The following LAMP3 variants were observed in gnomAD, a reference collection of about 807,000 sequenced individuals.
The protein encoded by LAMP3 is lysosome-associated membrane glycoprotein 3.
LAMP3 carries 26 observed loss-of-function variants against 34.8 expected under a neutral mutation model. The ratio of observed to expected loss-of-function variants is 0.75; its 90% CI spans 0.55 to 1.04. LAMP3 has a LOEUF of 1.04. Among genes scored for constraint, LAMP3 ranks in the 50% least tolerant of loss-of-function variants. The pLI is 0.00. For missense variants in LAMP3, 495 were observed against 524.0 expected (o/e 0.94, Z 0.54); for synonymous variants, 180 against 201.9 (o/e 0.89, Z 0.92).
At chr3:183,138,546 C>A (rs527546343) in intron 4 of LAMP3, among the ~76,000 whole-genome samples, 1 of 152,250 alleles carries the variant, frequency 6.6e-6, no homozygotes, top group East Asian at 1.9e-4. Context: ...TTTAACTTTC[C>A]AGGGAAACAT....
In LAMP3 at chr3:183,145,401, G is replaced by A. The variant is rs556795856; in HGVS notation, c.889-4806C>T. The stretch of plus-strand genomic sequence containing the variant: ...CAGCCCAGCAAAATAAGCACTCGTT[G>A]GCTCCATCTTATAGAAGAGGAACTG... On this transcript the variant is annotated intron_variant, in intron 3 of 5. Transcript: ENST00000265598. Among the ~76,000 whole-genome samples the A allele has an allele frequency of 2.6e-5, 4 of 152,226 alleles. No homozygotes were observed. The South Asian group carries it at 8.3e-4, about 32-fold the overall frequency.
chr3:183,149,653 T>C (rs755654528), intron 3 of LAMP3, among the ~76,000 whole-genome samples: 1 of 145,820 alleles, frequency 6.9e-6, no homozygotes, highest in Admixed American at 7.0e-5. Context: ...ATCTGATACT[T>C]GATAGCACAA....
chr3:183,125,967 C>T (rs543771514), intron 5 of LAMP3, among the ~76,000 whole-genome samples: 26 of 152,114 alleles, frequency 1.7e-4, no homozygotes, highest in African/African-American at 4.8e-4. Context: ...CACACTTGGC[C>T]TATATTTCTT....
In LAMP3 at chr3:183,162,565, G is replaced by A. The variant is rs1382915584; in HGVS notation, c.49+42C>T. On this transcript the variant is annotated intron_variant, in intron 1 of 5. Transcript: ENST00000265598. ...GAGTGCGTTTAGATGAAAGGGGACC[G>A]ACACGTCAGGGCCACCGCGGGAAGC... 9.1e-6 allele frequency: 14 copies of A among 1,540,750 alleles called. No homozygotes were observed. In the Admixed American group the frequency reaches 2.7e-4, roughly 30 times the overall value.
intron 1 of LAMP3, among the ~76,000 whole-genome samples, chr3:183,157,048 G>A (rs983933247): frequency 2.0e-5 from 3 of 152,112 alleles, no homozygotes; most frequent in African/African-American, 7.2e-5. Context: ...TGCTGAAAAG[G>A]GGATTATTTT....
intron 5 of LAMP3, among the ~76,000 whole-genome samples, chr3:183,134,629 G>GACATATGAGACTCCGACATT (rs1327137896): frequency 1.3e-3 from 196 of 152,284 alleles, no homozygotes; most frequent in African/African-American, 4.6e-3. Context: ...TCATATGACT[G>GACATATGAGACTCCGACATT]TGGGACTCCG....
intron 3 of LAMP3, among the ~76,000 whole-genome samples, chr3:183,149,207 T>C (rs1457375579): frequency 2.0e-5 from 3 of 148,260 alleles, no homozygotes; most frequent in African/African-American, 7.5e-5. Flanking sequence ...GGGTAATGGG[T>C]GGGGTGGGGG....
In LAMP3 at chr3:183,132,444, A is replaced by G. The variant is rs539222705; in HGVS notation, c.1117+3273T>C. On this transcript the variant is annotated intron_variant, in intron 5 of 5. Transcript: ENST00000265598. The stretch of plus-strand genomic sequence containing the variant: ...TGAAAATCAGGACTCTTGAAAATGT[A>G]TAAGAAAAATCAGTCAATTTGTAAA... 19 of 981,590 alleles carry G rather than the reference A, an allele frequency of 1.9e-5. No homozygotes were observed. In the Admixed American group the frequency reaches 3.1e-4, roughly 16 times the overall value. The allele number at this position is 981,590 out of a possible 1,614,324, so 60.8% of individuals were successfully genotyped here.
chr3:183,148,556 A>G (rs1209710565), intron 3 of LAMP3, among the ~76,000 whole-genome samples: 5 of 152,256 alleles, frequency 3.3e-5, no homozygotes. Context: ...ACATTTCTCA[A>G]AAGAAGACAT....
intron 1 of LAMP3, among the ~76,000 whole-genome samples, chr3:183,155,332 T>G (rs1720793209): frequency 6.6e-6 from 1 of 152,232 alleles, no homozygotes; most frequent in Non-Finnish European, 1.5e-5. Flanking sequence ...CTTTCCATTT[T>G]TTATCTTGTC....
chr3:183,123,841 A>G lies in LAMP3; in HGVS notation c.*240T>C, dbSNP rs546285114. On this transcript the variant is annotated 3_prime_UTR_variant, in exon 6 of 6. Coordinates refer to ENST00000265598, the MANE Select transcript of LAMP3 (RefSeq NM_014398.4). ...AATGTTGACTTTGAGTGGCTAAAAT[A>G]TTCTAAAGGAAACTAGAAAATAAAC... 72 of 468,338 alleles carry G rather than the reference A, an allele frequency of 1.5e-4. No individual in the cohort carries two copies. The highest frequency in any genetic ancestry group is 1.5e-3 in the South Asian group (62 of 40,722). 29.0% of individuals were successfully genotyped at this position (468,338 alleles called of 1,614,324 possible).
chr3:183,146,242 G>A (rs919237857), intron 3 of LAMP3, among the ~76,000 whole-genome samples: 1 of 152,132 alleles, frequency 6.6e-6, no homozygotes, highest in East Asian at 1.9e-4. Context: ...AAATGCTGCT[G>A]AGCATTTTTC....
chr3:183,152,447 C>G lies in LAMP3; in HGVS notation c.816G>C (p.Gly272=). ...NIDPNATQAS[G]NCGTRKSNLL... is the part of the protein sequence containing the mutation. ...GGTTGGATTTTCGGGTGCCACAGTT[C>G]CCAGAGGCTTGCGTTGCGTTGGGGT... is the stretch of plus-strand genomic sequence containing the variant. Residue 272 remains glycine (G), a synonymous_variant, in exon 3 of 6, where the codon GGG becomes GGC. Coordinates refer to ENST00000265598, the MANE Select transcript of LAMP3 (RefSeq NM_014398.4). The G allele has an allele frequency of 6.2e-7, 1 of 1,612,892 alleles. No individual in the cohort carries two copies.
chr3:183,135,928 T>C, intron 4 of LAMP3, 41 bp from the exon 5 acceptor site: 1 of 1,517,742 alleles, frequency 6.6e-7, no homozygotes. Flanking sequence ...TCCTGAGATG[T>C]AACCGCTGAG....
At chr3:183,152,327 G>A in intron 3 of LAMP3, 48 bp downstream of exon 3, 1 of 1,537,190 alleles carries the variant, frequency 6.5e-7, no homozygotes, top group Admixed American at 2.1e-5. Context: ...ATGAGGGAGA[G>A]GGAAAGCTGT....
intron 5 of LAMP3, chr3:183,132,536 C>T: frequency 1.0e-6 from 1 of 985,410 alleles, no homozygotes; most frequent in Non-Finnish European, 1.2e-6. Context: ...CCACTCATGT[C>T]TCTGCCTATT....
intron 3 of LAMP3, among the ~76,000 whole-genome samples, chr3:183,144,794 A>G (rs1018917932): frequency 6.6e-6 from 1 of 152,194 alleles, no homozygotes; most frequent in African/African-American, 2.4e-5. Context: ...AGTCCCAGCT[A>G]CTCAGGAGAC....
At chr3:183,153,574 A>C (rs955589595) in intron 2 of LAMP3, 108 bp downstream of exon 2, 5 of 693,054 alleles carry the variant, frequency 7.2e-6, no homozygotes, top group African/African-American at 1.8e-5. Flanking sequence ...GCTCACAGCT[A>C]TTGGTTTCAT....
Position 183,154,504 on chromosome 3 carries a change from A to G in LAMP3, c.50-113T>C, listed in dbSNP as rs9853808. 309 of 790,726 alleles carry G rather than the reference A, an allele frequency of 3.9e-4. 1 individual carries two copies. In the African/African-American group the frequency reaches 4.5e-3, roughly 12 times the overall value. The allele number at this position is 790,726 out of a possible 1,614,324, so 49.0% of individuals were successfully genotyped here. ...AAAAAAACCTAACATGCATATTTTT[A>G]TACTTGGGGGAAATTTGCAAGGGTA... On this transcript the variant is annotated intron_variant, in intron 1 of 5. Coordinates refer to ENST00000265598, the MANE Select transcript of LAMP3 (RefSeq NM_014398.4).
Sources: gnomAD v4.1 joint callset for allele counts (sites outside exome capture counted in the v4.1 genomes callset) on GRCh38, gnomAD v4.1.1 for gene constraint, MANE v1.5 for transcripts, NCBI Gene and HGNC (gene_info 2026-07-23, HGNC 2026-07-21) for gene names.